Variants in KAZALD1 observed in about 807,000 individuals in gnomAD.
The protein encoded by KAZALD1 is kazal-type serine protease inhibitor domain-containing protein 1.
In KAZALD1, 31 loss-of-function variants were observed where a neutral mutation model predicts 27.7. The observed-to-expected ratio is 1.12, with a 90% CI of 0.84 to 1.51. The LOEUF (loss-of-function observed/expected upper bound fraction) is 1.51, where lower values mean the gene tolerates loss of function less well. KAZALD1 is among the 40% of genes most tolerant of loss of function. The pLI is 0.00. For missense variants in KAZALD1, 444 were observed against 408.9 expected (o/e 1.09, Z -0.74); for synonymous variants, 179 against 182.0 (o/e 0.98, Z 0.13).
Position 101,062,895 on chromosome 10 carries a change from C to G in KAZALD1, c.303C>G (p.His101Gln). 1 of 1,603,408 alleles carries G rather than the reference C, an allele frequency of 6.2e-7. No homozygotes were observed. Among genetic ancestry groups the G allele is most frequent in the Non-Finnish European group, 8.5e-7 (1 of 1,179,714 alleles). Residue 101 changes from histidine (H) to glutamine (Q), a missense_variant, in exon 2 of 5, where the codon CAC becomes CAG. Physicochemically the swap from His to Gln is conservative, Grantham distance 24 (BLOSUM62 0). Coordinates refer to ENST00000370200, the MANE Select transcript of KAZALD1 (RefSeq NM_030929.5). ...ACCCCAGTGCTCACTTCTACGGGCA[C>G]TGCGGCGAGCAGCTTGAGTGCCGGC... ...DLDPSAHFYGHCGEQLECRLD... is the reference protein window; with the variant it reads ...DLDPSAHFYGQCGEQLECRLD...
chr10:101,062,944 C>T lies in KAZALD1; in HGVS notation c.352C>T (p.Arg118Cys). ...CRLDTGGDLS[R>C]GEVPEPLCAC... The stretch of plus-strand genomic sequence containing the variant: ...GCTGGACACAGGCGGCGACCTGAGC[C>T]GCGGAGAGGTGCCGGAACCTCTGTG... The change falls in exon 2 of 5, where the codon CGC (arginine) becomes TGC (cysteine). Residue 118 changes from arginine (R) to cysteine (C), a missense_variant. Physicochemically the swap from Arg to Cys is radical, Grantham distance 180. Transcript: ENST00000370200. 2 of 1,602,370 alleles carry T rather than the reference C, an allele frequency of 1.2e-6. No homozygotes were observed. The highest frequency in any genetic ancestry group is 1.1e-5 in the South Asian group (1 of 90,938).
Position 101,065,794 on chromosome 10 carries a change from C to G in KAZALD1, c.*874C>G, listed in dbSNP as rs999494435. 1.3e-5 allele frequency among the ~76,000 whole-genome samples: 2 copies of G among 152,232 alleles called. No individual in the cohort carries two copies. The highest frequency in any genetic ancestry group is 1.3e-4 in the Admixed American group (2 of 15,292). On this transcript the variant is annotated 3_prime_UTR_variant, in exon 5 of 5. Coordinates refer to ENST00000370200, the MANE Select transcript of KAZALD1 (RefSeq NM_030929.5). ...ATATGGCTGGAGGGAAGTTATCTTC[C>G]CCGTCTGCCCTCCATTGGGGCTGAT...
intron 1 of KAZALD1, 131 bp from the exon 2 acceptor site, chr10:101,062,411 T>G: frequency 1.2e-6 from 1 of 826,338 alleles, no homozygotes; most frequent in Non-Finnish European, 1.8e-6. Flanking sequence ...GGCCTGTGTG[T>G]TGGGGGAGGC....
In KAZALD1 at chr10:101,064,691, G is replaced by A. The variant is rs749468402; in HGVS notation, c.820+43G>A. ...TTCTGGGGGTTGGGGGGATGGTGCT[G>A]GATTCCAGTTGTGAATGTGTAAGAA... On this transcript the variant is annotated intron_variant, in intron 4 of 4. Transcript: ENST00000370200. 13 of 1,611,720 alleles carry A rather than the reference G, an allele frequency of 8.1e-6. 1 individual carries two copies. In the Admixed American group the frequency reaches 2.2e-4, roughly 27 times the overall value.
Position 101,064,543 on chromosome 10 carries a change from C to T in KAZALD1, c.715C>T (p.Gln239Ter), listed in dbSNP as rs1204501475. The T allele has an allele frequency of 6.2e-7, 1 of 1,614,166 alleles. No homozygotes were observed. Among genetic ancestry groups the T allele is most frequent in the Non-Finnish European group, 8.5e-7 (1 of 1,180,024 alleles). Residue 239 changes from glutamine to a stop codon, truncating the protein, a stop_gained, in exon 4 of 5, where the codon CAG (glutamine) becomes TAG (stop). Coordinates refer to ENST00000370200, the MANE Select transcript of KAZALD1 (RefSeq NM_030929.5). LOFTEE classifies it high-confidence loss of function. ...PQRFEVTGWL[Q>*]IQAVRPSDEG... ...GAGGTTTGAGGTGACTGGCTGGCTG[C>T]AGATCCAGGCTGTGCGTCCCAGTGA...
chr10:101,062,194 C>T (rs1358028191), intron 1 of KAZALD1, 79 bp downstream of exon 1: 3 of 231,656 alleles, frequency 1.3e-5, no homozygotes, highest in Non-Finnish European at 2.5e-5. Context: ...CAGCTTCTTA[C>T]TTCTGGAGCC....
Position 101,066,812 on chromosome 10 carries a change from G to T in KAZALD1, c.*1892G>T. On this transcript the variant is annotated 3_prime_UTR_variant, in exon 5 of 5. Transcript: ENST00000370200. ...GAATCCGCACTCCTTAATCGCGTTA[G>T]CCGACTTTGTAGGTGTTCAGGAGCA... 1 of 331,446 alleles carries T rather than the reference G, an allele frequency of 3.0e-6. No individual in the cohort carries two copies. The highest frequency in any genetic ancestry group is 5.9e-6 in the Non-Finnish European group (1 of 169,560). 20.5% of individuals were successfully genotyped at this position (331,446 alleles called of 1,614,324 possible). A position where few individuals can be genotyped will look rare whatever the true frequency, so the allele number is the denominator to read the frequency against.
At position 101,065,210 on chromosome 10, in the gene KAZALD1, G is replaced by A. The variant is rs1185377483; in HGVS notation, c.*290G>A. On this transcript the variant is annotated 3_prime_UTR_variant, in exon 5 of 5. Coordinates refer to ENST00000370200, the MANE Select transcript of KAZALD1 (RefSeq NM_030929.5). ...TCCAACAGGTTGTTTCCCAGGCTGG[G>A]GTGGGGGCCTGAGCAGACACAGAGG... 5.1e-6 allele frequency: 2 copies of A among 395,468 alleles called. No individual in the cohort carries two copies. Among genetic ancestry groups the A allele is most frequent in the Admixed American group, 4.0e-5 (1 of 24,966 alleles). The allele number at this position is 395,468 out of a possible 1,614,324, so 24.5% of individuals were successfully genotyped here. A position where few individuals can be genotyped will look rare whatever the true frequency, so the allele number is the denominator to read the frequency against.
chr10:101,064,450 G>T, intron 3 of KAZALD1, 29 bp downstream of exon 3: 2 of 1,614,032 alleles, frequency 1.2e-6, no homozygotes, highest in Non-Finnish European at 1.7e-6. Context: ...CTTCCCTCAG[G>T]CAGCCCAGGG....
chr10:101,066,275 CAG>C lies in KAZALD1; in HGVS notation c.*1358_*1359del, dbSNP rs1432705474. Reference sequence around the variant, plus strand: ...GGAGGGCCTGCCCTTGGCTCAGCGTCAGAGTTTGTCCTCTGGGGCCCAACGCA... The same window carrying C: ...GGAGGGCCTGCCCTTGGCTCAGCGTCAGTTTGTCCTCTGGGGCCCAACGCA... On this transcript the variant is annotated 3_prime_UTR_variant, in exon 5 of 5. Coordinates refer to ENST00000370200, the MANE Select transcript of KAZALD1 (RefSeq NM_030929.5). 2.0e-5 allele frequency: 8 copies of C among 398,752 alleles called. No individual in the cohort carries two copies. The highest frequency in any genetic ancestry group is 2.7e-5 in the Admixed American group (1 of 37,350). 24.7% of individuals were successfully genotyped at this position (398,752 alleles called of 1,614,324 possible). A position where few individuals can be genotyped will look rare whatever the true frequency, so the allele number is the denominator to read the frequency against.
chr10:101,062,252 G>A, intron 1 of KAZALD1, 137 bp downstream of exon 1: 1 of 324,652 alleles, frequency 3.1e-6, no homozygotes, highest in Non-Finnish European at 5.7e-6. Context: ...GATCGGAGTC[G>A]GGTGGTGCAC....
intron 2 of KAZALD1, among the ~76,000 whole-genome samples, chr10:101,063,541 G>A (rs1408017919): frequency 6.6e-6 from 1 of 152,220 alleles, no homozygotes; most frequent in Non-Finnish European, 1.5e-5. Flanking sequence ...CCACCTCTCT[G>A]CTTTCTCCTG....
chr10:101,066,639 C>T lies in KAZALD1; in HGVS notation c.*1719C>T, dbSNP rs1344927519. On this transcript the variant is annotated 3_prime_UTR_variant, in exon 5 of 5. Coordinates refer to ENST00000370200, the MANE Select transcript of KAZALD1 (RefSeq NM_030929.5). ...ACGTGGGTGTGAGTCCCAGCATCAGCCAGGGAATCCGCCCCTAGCTTGTTC... is the reference window on the plus strand; with the variant it reads ...ACGTGGGTGTGAGTCCCAGCATCAGTCAGGGAATCCGCCCCTAGCTTGTTC... The T allele has an allele frequency of 1.3e-5, 5 of 388,046 alleles. No homozygotes were observed. Among genetic ancestry groups the T allele is most frequent in the Non-Finnish European group, 2.6e-5 (5 of 190,100 alleles). 24.0% of individuals were successfully genotyped at this position (388,046 alleles called of 1,614,324 possible).
rs1157269342 is a variant in KAZALD1 at position 101,062,052 on chromosome 10, T to C, written c.-115T>C. ...CGGCTGACTGCGCCTCTGCTTTCTTTCCATAACCTTTTCTTTCGGACTCGA... is the reference window on the plus strand; with the variant it reads ...CGGCTGACTGCGCCTCTGCTTTCTTCCCATAACCTTTTCTTTCGGACTCGA... On this transcript the variant is annotated 5_prime_UTR_variant, in exon 1 of 5. Coordinates refer to ENST00000370200, the MANE Select transcript of KAZALD1 (RefSeq NM_030929.5). The C allele has an allele frequency of 6.5e-6, 1 of 154,136 alleles. No homozygotes were observed. Among genetic ancestry groups the C allele is most frequent in the Non-Finnish European group, 1.4e-5 (1 of 69,278 alleles). 9.5% of individuals were successfully genotyped at this position (154,136 alleles called of 1,614,324 possible). A position where few individuals can be genotyped will look rare whatever the true frequency, so the allele number is the denominator to read the frequency against.
In KAZALD1 at chr10:101,064,373, T is replaced by A; in HGVS notation, c.624T>A (p.Asp208Glu). ...TGGCCTCCATCGAGTGGAGGAAGGA[T>A]GGCTTGGACATCCAGCTGCCAGGGG... ...YPMASIEWRK[D>E]GLDIQLPGDD... Residue 208 changes from aspartate to glutamate, a missense_variant, in exon 3 of 5, where the codon GAT becomes GAA. Asp to Glu is a conservative substitution (Grantham distance 45). Transcript: ENST00000370200. 6.2e-7 allele frequency: 1 copy of A among 1,614,216 alleles called. No individual in the cohort carries two copies. The highest frequency in any genetic ancestry group is 8.5e-7 in the Non-Finnish European group (1 of 1,180,026).
At chr10:101,067,796 C>T (rs1265960921), downstream of KAZALD1, 1 of 392,544 alleles carries the variant, frequency 2.5e-6, no homozygotes, top group Admixed American at 3.3e-5. Context: ...TGGAGAGCGC[C>T]CCTCAAAAAG....
chr10:101,064,280 T>C lies in KAZALD1; in HGVS notation c.531T>C (p.His177=). The C allele has an allele frequency of 6.2e-7, 1 of 1,614,128 alleles. No homozygotes were observed. The highest frequency in any genetic ancestry group is 1.1e-5 in the South Asian group (1 of 91,082). The change falls in exon 3 of 5, where the codon CAT becomes CAC. Residue 177 remains histidine (H), a synonymous_variant. Coordinates refer to ENST00000370200, the MANE Select transcript of KAZALD1 (RefSeq NM_030929.5). ...CCCCAGGGCCCCAGATCGTGTCACA[T>C]CCATATGACACTTGGAATGTGACAG... is the stretch of plus-strand genomic sequence containing the variant. ...PCESGPQIVS[H]PYDTWNVTGQ...
Position 101,065,491 on chromosome 10 carries a change from CAG to C in KAZALD1, c.*577_*578del, listed in dbSNP as rs960634759. 1 of 160,168 alleles carries C rather than the reference CAG, an allele frequency of 6.2e-6. No individual in the cohort carries two copies. Among genetic ancestry groups the C allele is most frequent in the Non-Finnish European group, 1.4e-5 (1 of 72,494 alleles). The allele number at this position is 160,168 out of a possible 1,614,324, so 9.9% of individuals were successfully genotyped here. On this transcript the variant is annotated 3_prime_UTR_variant, in exon 5 of 5. Transcript: ENST00000370200. Reference sequence around the variant, plus strand: ...CAGCGGAGCATGACTTAGTTCAGTGCAGAGAGATAGGTGAGGCCAGCTCGAGA... The same window carrying C: ...CAGCGGAGCATGACTTAGTTCAGTGCAGAGATAGGTGAGGCCAGCTCGAGA...
rs1185970239 is a variant in KAZALD1 at position 101,062,776 on chromosome 10, G to A, written c.184G>A (p.Ala62Thr). Residue 62 changes from alanine (A) to threonine (T), a missense_variant, in exon 2 of 5, where the codon GCC (alanine) becomes ACC (threonine). Transcript: ENST00000370200. The part of the protein sequence containing the change: ...GCAPCRPEEC[A>T]APRGCLAGRV... ...CGCTCCCTGCCGGCCAGAAGAGTGC[G>A]CCGCGCCGCGGGGCTGCCTGGCGGG... is the stretch of plus-strand genomic sequence containing the variant. The A allele has an allele frequency of 3.2e-6, 5 of 1,552,640 alleles. No individual in the cohort carries two copies. The highest frequency in any genetic ancestry group is 4.3e-6 in the Non-Finnish European group (5 of 1,158,818).
Sources: allele counts gnomAD v4.1 joint callset (sites outside exome capture counted in the v4.1 genomes callset), GRCh38; gene constraint gnomAD v4.1.1; transcripts MANE v1.5; gene names NCBI Gene and HGNC (gene_info 2026-07-23, HGNC 2026-07-21).